The following HELZ2 variants were observed in gnomAD, a reference collection of about 807,000 sequenced individuals.
The protein encoded by HELZ2 is helicase with zinc finger 2, also known as 3'-5' exoribonuclease HELZ2.
HELZ2 carries 143 observed loss-of-function variants against 208.8 expected under a neutral mutation model. The observed-to-expected ratio is 0.68, with a 90% CI of 0.60 to 0.79. HELZ2 has a LOEUF of 0.79. HELZ2 is among the 30% of genes least tolerant of loss of function. HELZ2 has a pLI of 0.00. For synonymous variants in HELZ2, 1,705 were observed against 1,693.7 expected (o/e 1.01, Z -0.16); for missense variants, 3,690 against 3,794.5 (o/e 0.97, Z 0.72).
In HELZ2 at chr20:63,565,455, G is replaced by A. The variant is rs772698517; in HGVS notation, c.3367C>T (p.His1123Tyr). Residue 1123 changes from histidine (H) to tyrosine (Y), a missense_variant, in exon 8 of 19, where the codon CAC (histidine) becomes TAC (tyrosine). This residue lies in a region of HELZ2 where 2,564 missense variants were observed against 2,580.5 expected (regional missense o/e 0.99). Transcript: ENST00000467148. Reference sequence around the variant, plus strand: ...TGGCGGTACCGCTCGGGCTCCGCGTGCAGCAGCTTCCGTAGCGCAGCCGGG... The same window carrying A: ...TGGCGGTACCGCTCGGGCTCCGCGTACAGCAGCTTCCGTAGCGCAGCCGGG... The A allele has an allele frequency of 3.5e-5, 56 of 1,608,732 alleles. No individual in the cohort carries two copies. In the South Asian group the frequency reaches 4.0e-4, roughly 11 times the overall value.
exon 3 of HELZ2, chr20:63,570,547 T>G (rs1404070225): frequency 6.2e-7 from 1 of 1,613,340 alleles, no homozygotes; most frequent in Non-Finnish European, 8.5e-7. Context: ...GGTCTTCCTC[T>G]CCTGGGCCTG....
rs368604390 is a variant in HELZ2, at chr20:63,572,303, C to T, written c.83G>A (p.Arg28His). The T allele has an allele frequency of 2.0e-4, 320 of 1,585,216 alleles. 1 individual carries two copies. The Middle Eastern group carries it at 2.7e-3, about 13-fold the overall frequency. Residue 28 changes from arginine to histidine, a missense_variant, in exon 1 of 19, where the codon CGC becomes CAC. By Grantham distance (29) the Arg-to-His change is conservative. This residue lies in a region of HELZ2 where 1,119 missense variants were observed against 1,193.4 expected (regional missense o/e 0.94). Coordinates refer to ENST00000467148, the Ensembl canonical transcript of HELZ2. Reference sequence around the variant, plus strand: ...AGGGGGCTGGCCAAGGGGGGCCGTGCGCCCGTCGCCATCAGGGGCAGGGGG... The same window carrying T: ...AGGGGGCTGGCCAAGGGGGGCCGTGTGCCCGTCGCCATCAGGGGCAGGGGG...
Position 63,565,905 on chromosome 20 carries a change from TC to T in HELZ2, c.2916del (p.Asn973ThrfsTer9). 2 of 1,597,080 alleles carry T rather than the reference TC, an allele frequency of 1.3e-6. No homozygotes were observed. The highest frequency in any genetic ancestry group is 1.7e-6 in the Non-Finnish European group (2 of 1,178,932). ...ACTGGCTCTGGGGCAGCCTCCCAGT[TC>T]CCCGCTGCCCCAGCCTGTGTGCCTC... On this transcript the variant is annotated frameshift_variant, in exon 8 of 19. Transcript: ENST00000467148. LOFTEE classifies it high-confidence loss of function.
At chr20:63,572,302 GCGCCCGTCGCCATCA>G in exon 1 of HELZ2, 1 of 1,586,138 alleles carries the variant, frequency 6.3e-7, no homozygotes, top group Non-Finnish European at 8.6e-7. Flanking sequence ...GGGGGGCCGT[GCGCCCGTCGCCATCA>G]GGGGCAGGGG....
rs1191760923 is a variant in HELZ2, at chr20:63,560,110, G to A, written c.7658-15C>T. 4 of 1,577,002 alleles carry A rather than the reference G, an allele frequency of 2.5e-6. No individual in the cohort carries two copies. Among genetic ancestry groups the A allele is most frequent in the Non-Finnish European group, 2.6e-6 (3 of 1,166,598 alleles). On this transcript the variant is annotated splice_polypyrimidine_tract_variant and intron_variant, in intron 17 of 18. Coordinates refer to ENST00000467148, the Ensembl canonical transcript of HELZ2. Reference sequence around the variant, plus strand: ...CCACTCGCTCCCTGCGGGATGGGAGGTGAGGCCCTGCTGCCGCTGCGCCCA... The same window carrying A: ...CCACTCGCTCCCTGCGGGATGGGAGATGAGGCCCTGCTGCCGCTGCGCCCA...
chr20:63,558,545 G>A (rs528000714), downstream of HELZ2: 2 of 147,136 alleles, frequency 1.4e-5, no homozygotes, highest in East Asian at 3.9e-4. Context: ...GTTTTGTTTT[G>A]TTTTTTTTTT....
In HELZ2 at chr20:63,564,751, G is replaced by C. The variant is rs769161032; in HGVS notation, c.4071C>G (p.Leu1357=). The change falls in exon 8 of 19, where the codon CTC becomes CTG. Residue 1357 remains leucine, a synonymous_variant. Transcript: ENST00000467148. ...ACCTGGGACCCAGGTCTCGGACACT[G>C]AGGGCATCATCGAGGTTGCAGGCGC... 3 of 1,611,940 alleles carry C rather than the reference G, an allele frequency of 1.9e-6. No homozygotes were observed. The South Asian group carries it at 3.3e-5, about 18-fold the overall frequency.
At chr20:63,561,503 G>A (rs2082886609) in intron 12 of HELZ2, 37 bp from the exon 14 acceptor site, 2 of 1,582,476 alleles carry the variant, frequency 1.3e-6, no homozygotes, top group East Asian at 4.5e-5. Flanking sequence ...GTCCACGCAG[G>A]GCCATCACGG....
upstream of HELZ2, among the ~76,000 whole-genome samples, chr20:63,573,999 C>T (rs6090458): frequency 0.054 from 8,283 of 152,082 alleles, 361 homozygotes; most frequent in African/African-American, 0.11. The surrounding 1 kb of genome is among the most constrained non-coding windows in gnomAD (Gnocchi z 4.9). Flanking sequence ...TGGTCCTGGA[C>T]GGGCTGCACT....
In HELZ2 at chr20:63,565,067, A is replaced by C. The variant is rs199824684; in HGVS notation, c.3755T>G (p.Leu1252Arg). ...CCGGGCCTCGGCGGTGAGCCTCTCA[A>C]GCCCCACACGCTGCAGCCGGCCCTT... The change falls in exon 8 of 19, where the codon CTT becomes CGT. Residue 1252 changes from leucine to arginine, a missense_variant. Transcript: ENST00000467148. 5.8e-5 allele frequency: 91 copies of C among 1,563,036 alleles called. 1 individual carries two copies. In the African/African-American group the frequency reaches 1.1e-3, roughly 18 times the overall value.
At chr20:63,562,833 T>C in exon 8 of HELZ2, 1 of 1,610,338 alleles carries the variant, frequency 6.2e-7, no homozygotes, top group Non-Finnish European at 8.5e-7. Context: ...TCGGCACAGT[T>C]CTCCTCGAGG....
exon 2 of HELZ2, chr20:63,570,735 G>T (rs768146173): frequency 1.3e-6 from 2 of 1,595,044 alleles, no homozygotes; most frequent in Non-Finnish European, 1.7e-6. Flanking sequence ...AGCCGCTCCT[G>T]GTAGGGCACC....
At chr20:63,559,158 CA>C (rs2082847541), downstream of HELZ2, 97 of 1,343,800 alleles carry the variant, frequency 7.2e-5, no homozygotes, top group Non-Finnish European at 9.0e-5. Context: ...CTGGCCCAGG[CA>C]GGCTGATGGC....
Position 63,570,823 on chromosome 20 carries a change from T to G in HELZ2, c.324A>C (p.Ser108=), listed in dbSNP as rs769475707. ...GGACCCACTCCTGCAGCTCCTGTGC[T>G]GAGTGTGCCTTGGTGCAGGCGTCCC... The change falls in exon 2 of 19, where the codon TCA becomes TCC. Residue 108 remains serine (S), a synonymous_variant. Transcript: ENST00000467148. 2.5e-6 allele frequency: 4 copies of G among 1,608,798 alleles called. No individual in the cohort carries two copies. The South Asian group carries it at 4.4e-5, about 18-fold the overall frequency.
rs201218245 is a variant in HELZ2, at chr20:63,561,629, G to A, written c.6808C>T (p.Arg2270Trp). The A allele has an allele frequency of 1.7e-5, 28 of 1,609,728 alleles. 1 individual carries two copies. The Middle Eastern group carries it at 8.2e-4, about 47-fold the overall frequency. ...AGGCTCTGGTTCGGCCTCCCCTCCC[G>A]GGGGCTCTTCCTGAGCAGCTTCCTG... The change falls in exon 12 of 19, where the codon CGG (arginine) becomes TGG (tryptophan). Residue 2270 changes from arginine (R) to tryptophan (W), a missense_variant. Coordinates refer to ENST00000467148, the Ensembl canonical transcript of HELZ2.
At chr20:63,563,850 C>T (rs564207863) in exon 8 of HELZ2, 28 of 1,596,246 alleles carry the variant, frequency 1.8e-5, no homozygotes, top group Admixed American at 6.8e-5. Context: ...TAGTGGCCGC[C>T]CTGCTGCTGG....
chr20:63,559,553 G>A lies in HELZ2; in HGVS notation c.7826-183C>T, dbSNP rs1189812131. Among the ~76,000 whole-genome samples, 10 of 65,180 alleles carry A rather than the reference G, an allele frequency of 1.5e-4. 1 individual carries two copies. The South Asian group carries it at 2.6e-3, about 17-fold the overall frequency. The allele number at this position is 65,180 out of a possible 152,430, so 42.8% of individuals were successfully genotyped here. A position where few individuals can be genotyped will look rare whatever the true frequency, so the allele number is the denominator to read the frequency against. On this transcript the variant is annotated intron_variant, in intron 18 of 18. Coordinates refer to ENST00000467148, the Ensembl canonical transcript of HELZ2. ...GTCAGGTGGGAGGAGTCAGGGTCAG[G>A]TGGGAGGAGTCAGGGTCAGGTGGGA...
chr20:63,564,152 G>A (rs1373851206), exon 8 of HELZ2: 3 of 1,611,756 alleles, frequency 1.9e-6, no homozygotes, highest in South Asian at 1.1e-5. Context: ...GCTGCGGGGT[G>A]CTGGCTGCCA....
exon 11 of HELZ2, chr20:63,561,903 G>T (rs61742181): frequency 3.2e-6 from 5 of 1,583,014 alleles, no homozygotes; most frequent in African/African-American, 1.3e-5. Context: ...CCCACGGGGG[G>T]GGCCTCCGGG....
Sources: allele counts gnomAD v4.1 joint callset (sites outside exome capture counted in the v4.1 genomes callset), GRCh38; gene constraint gnomAD v4.1.1; regional missense constraint gnomAD v4.1.1; non-coding constraint Gnocchi (gnomAD v3.1); transcripts MANE v1.5; gene names NCBI Gene and HGNC (gene_info 2026-07-23, HGNC 2026-07-21).